POLR2F: variants seen among roughly 807,000 people sequenced by gnomAD.
POLR2F encodes the protein DNA-directed RNA polymerases I, II, and III subunit RPABC2.
Under a neutral mutation model 22.7 loss-of-function variants are expected in POLR2F, and 12 were observed. The observed-to-expected ratio is 0.53, with a 90% CI of 0.34 to 0.86. The LOEUF is 0.86. Among genes scored for constraint, POLR2F ranks in the 40% least tolerant of loss-of-function variants. The pLI is 0.02. For missense variants in POLR2F, 126 were observed against 171.5 expected (o/e 0.73, Z 1.48); for synonymous variants, 57 against 66.0 (o/e 0.86, Z 0.66).
chr22:37,962,251 A>C (rs373373411), intron 3 of POLR2F, among the ~76,000 whole-genome samples: 67 of 150,926 alleles, frequency 4.4e-4, no homozygotes, highest in Middle Eastern at 3.4e-3. Context: ...AACAAACAAA[A>C]AAAAAACAAA....
rs772943148 is a variant in POLR2F at position 37,986,229 on chromosome 22, G to A, written c.39G>A (p.Pro13=). ...GAGGGACGAGGGACGAGCATCTGCCGTCGTGTCCCGGCTGCCCTGCAGTCG... is the reference window on the plus strand; with the variant it reads ...GAGGGACGAGGGACGAGCATCTGCCATCGTGTCCCGGCTGCCCTGCAGTCG... The change falls in exon 1 of 3, where the codon CCG becomes CCA. Residue 13 remains proline (P), a synonymous_variant. Coordinates refer to the POLR2F transcript ENST00000333418. This position sits in a 1 kb window ranked among gnomAD's most constrained non-coding sequence, Gnocchi z 4.7. 136 of 1,541,174 alleles carry A rather than the reference G, an allele frequency of 8.8e-5. No homozygotes were observed. The highest frequency in any genetic ancestry group is 3.3e-4 in the African/African-American group (24 of 73,048).
At chr22:37,956,437 G>C (rs1931402504) in intron 1 of POLR2F, among the ~76,000 whole-genome samples, 1 of 150,592 alleles carries the variant, frequency 6.6e-6, no homozygotes, top group Non-Finnish European at 1.5e-5. Flanking sequence ...TTTATTTTGA[G>C]ACAGGTTCTT....
At chr22:37,962,461 G>A (rs116879151) in intron 3 of POLR2F, among the ~76,000 whole-genome samples, 5 of 152,202 alleles carry the variant, frequency 3.3e-5, no homozygotes, top group East Asian at 1.9e-4. Context: ...CCTCAGTAGC[G>A]GACCTCTTCT....
intron 5 of POLR2F, among the ~76,000 whole-genome samples, chr22:38,039,100 C>T (rs1317267355): frequency 6.6e-6 from 1 of 152,186 alleles, no homozygotes; most frequent in Admixed American, 6.5e-5. Context: ...CTCCCGGGAG[C>T]GGCTCCCCTC....
intron 1 of POLR2F, among the ~76,000 whole-genome samples, chr22:38,023,932 C>G (rs994908221): frequency 6.6e-6 from 1 of 151,060 alleles, no homozygotes; most frequent in Non-Finnish European, 1.5e-5. Flanking sequence ...ACCTCCTCCT[C>G]CTGGGTTCCA....
intron 1 of POLR2F, among the ~76,000 whole-genome samples, chr22:38,023,163 G>A (rs1335758139): frequency 1.3e-5 from 2 of 152,224 alleles, no homozygotes; most frequent in Non-Finnish European, 2.9e-5. Flanking sequence ...TGGGAGGAGG[G>A]TGCCTCCAGA....
At chr22:38,009,705 G>A (rs979505258) in intron 1 of POLR2F, among the ~76,000 whole-genome samples, 6 of 151,350 alleles carry the variant, frequency 4.0e-5, no homozygotes, top group South Asian at 2.1e-4. Flanking sequence ...AGGCAACCAC[G>A]TGCAGTCACT....
chr22:38,036,765 C>T (rs2085119994), intron 5 of POLR2F, among the ~76,000 whole-genome samples: 1 of 151,984 alleles, frequency 6.6e-6, no homozygotes, highest in Non-Finnish European at 1.5e-5. Context: ...CTAGCCTTCC[C>T]CCAGCGTTCA....
chr22:38,015,875 C>T (rs1388840810), intron 1 of POLR2F, among the ~76,000 whole-genome samples: 2 of 152,148 alleles, frequency 1.3e-5, no homozygotes, highest in African/African-American at 4.8e-5. Flanking sequence ...ACTGATGGAG[C>T]AGTGGGAAAG....
chr22:38,004,130 A>C (rs778438333), intron 1 of POLR2F, among the ~76,000 whole-genome samples: 2 of 152,028 alleles, frequency 1.3e-5, no homozygotes, highest in Non-Finnish European at 2.9e-5. Flanking sequence ...CTTGGACTAC[A>C]GGAATGCACC....
intron 5 of POLR2F, among the ~76,000 whole-genome samples, chr22:38,038,104 T>C (rs1476034617): frequency 7.9e-6 from 1 of 126,706 alleles, no homozygotes; most frequent in Admixed American, 8.3e-5. Flanking sequence ...TGTTGGGGGG[T>C]AGAAGGTGGG....
Position 37,986,512 on chromosome 22 carries a change from C to A in POLR2F, c.120+200C>A. ...CTCTAACTCCCTGCTTCCTCCTTTGCCCTCCTTGGTCCAGCTGTGCCAGGA... is the reference window on the plus strand; with the variant it reads ...CTCTAACTCCCTGCTTCCTCCTTTGACCTCCTTGGTCCAGCTGTGCCAGGA... On this transcript the variant is annotated intron_variant, in intron 1 of 2. Transcript: ENST00000333418. The surrounding 1 kb of genome is among the most constrained non-coding windows in gnomAD (Gnocchi z 4.7). The A allele has an allele frequency of 7.9e-7, 1 of 1,267,276 alleles. No individual in the cohort carries two copies. Among genetic ancestry groups the A allele is most frequent in the Non-Finnish European group, 1.1e-6 (1 of 902,150 alleles). 78.5% of individuals were successfully genotyped at this position (1,267,276 alleles called of 1,614,324 possible). A position where few individuals can be genotyped will look rare whatever the true frequency, so the allele number is the denominator to read the frequency against.
chr22:37,973,020 CG>C (rs1932105406), downstream of POLR2F: 1 of 156,772 alleles, frequency 6.4e-6, no homozygotes, highest in Admixed American at 6.3e-5. Context: ...CGGCCAGCTC[CG>C]GGCACAGTCT....
intron 5 of POLR2F, among the ~76,000 whole-genome samples, chr22:38,034,906 C>T (rs1163905918): frequency 6.6e-6 from 1 of 152,004 alleles, no homozygotes; most frequent in Non-Finnish European, 1.5e-5. Context: ...CTAGGACGAG[C>T]TGGGGCTTTC....
At chr22:38,041,252 G>A (rs544479697), downstream of POLR2F, 2 of 1,280,256 alleles carry the variant, frequency 1.6e-6, no homozygotes, top group African/African-American at 1.5e-5. Flanking sequence ...GGCGGGGGCA[G>A]GCACAGGGGG....
chr22:37,976,679 T>G (rs1193148846), intron 4 of POLR2F, among the ~76,000 whole-genome samples: 1 of 152,188 alleles, frequency 6.6e-6, no homozygotes, highest in East Asian at 1.9e-4. Flanking sequence ...TGAGAGTAAC[T>G]TGCCACAGCT....
In POLR2F at chr22:37,968,175, T is replaced by TTCGAGCCTCTTA. The variant is rs1205054118; in HGVS notation, c.*464_*475dup. On this transcript the variant is annotated 3_prime_UTR_variant, in exon 5 of 5. Transcript: ENST00000442738. ...CACCCATTGTTTCCTAAGGACCTGC[T>TTCGAGCCTCTTA]TCGAGCCTCTTATCGTGGGCTCGGA... The TTCGAGCCTCTTA allele has an allele frequency of 2.0e-6, 2 of 985,514 alleles. No individual in the cohort carries two copies. Among genetic ancestry groups the TTCGAGCCTCTTA allele is most frequent in the Admixed American group, 1.2e-4 (2 of 16,282 alleles). The allele number at this position is 985,514 out of a possible 1,614,324, so 61.0% of individuals were successfully genotyped here. A position where few individuals can be genotyped will look rare whatever the true frequency, so the allele number is the denominator to read the frequency against.
intron 1 of POLR2F, among the ~76,000 whole-genome samples, chr22:37,998,493 T>C (rs557115070): frequency 6.6e-6 from 1 of 151,542 alleles, no homozygotes; most frequent in African/African-American, 2.4e-5. Flanking sequence ...AGGTGAGGAG[T>C]TGCTGTCAGG....
intron 1 of POLR2F, among the ~76,000 whole-genome samples, chr22:38,019,750 C>T (rs1023026535): frequency 1.3e-5 from 2 of 152,212 alleles, no homozygotes; most frequent in Non-Finnish European, 2.9e-5. Context: ...TGGTGGCTTA[C>T]GCCTGTACTC....
Sources: gnomAD v4.1 joint callset for allele counts (sites outside exome capture counted in the v4.1 genomes callset) on GRCh38, gnomAD v4.1.1 for gene constraint, Gnocchi (gnomAD v3.1) non-coding constraint, MANE v1.5 for transcripts, NCBI Gene and HGNC (gene_info 2026-07-23, HGNC 2026-07-21) for gene names.